ELP1: variants seen among roughly 807,000 people sequenced by gnomAD.
The protein encoded by ELP1 is elongator complex protein 1.
ELP1 carries 131 observed loss-of-function variants against 183.2 expected under a neutral mutation model. The ratio of observed to expected loss-of-function variants is 0.72; its 90% confidence interval spans 0.62 to 0.83. ELP1 has a LOEUF of 0.83. Among genes scored for constraint, ELP1 ranks in the 40% least tolerant of loss-of-function variants. ELP1 has a pLI of 0.00. For missense variants in ELP1, 1,550 were observed against 1,594.9 expected (o/e 0.97, Z 0.48); for synonymous variants, 555 against 569.0 (o/e 0.98, Z 0.35).
At chr9:108,921,955 G>A (rs1213964390) in intron 6 of ELP1, among the ~76,000 whole-genome samples, 1 of 152,160 alleles carries the variant, frequency 6.6e-6, no homozygotes, top group African/African-American at 2.4e-5. Flanking sequence ...CCCTTGTAAG[G>A]AGACATTATG....
intron 33 of ELP1, among the ~76,000 whole-genome samples, 161 bp from the exon 34 acceptor site, chr9:108,878,911 A>C (rs1026019497): frequency 6.6e-6 from 1 of 152,164 alleles, no homozygotes; most frequent in South Asian, 2.1e-4. Flanking sequence ...TGAATATATA[A>C]TCTTGCATTG....
Position 108,880,084 on chromosome 9 carries a change from T to C in ELP1, c.3428A>G (p.Glu1143Gly). The change falls in exon 32 of 37, where the codon GAG becomes GGG. Residue 1143 changes from glutamate (E) to glycine (G), a missense_variant. By Grantham distance (98) the Glu-to-Gly change is moderately conservative. Transcript: ENST00000374647. ...TGCCTGCTGGGCTTGCTCCTTGAGC[T>C]CTCGAACTACCAATAAACGTTTCTT... ...RHKKRLLVVR[E>G]LKEQAQQAGL... is the part of the protein sequence containing the mutation. 1.2e-6 allele frequency: 2 copies of C among 1,614,082 alleles called. No individual in the cohort carries two copies. The highest frequency in any genetic ancestry group is 1.7e-6 in the Non-Finnish European group (2 of 1,179,906).
chr9:108,923,652 C>T (rs1473992137), intron 5 of ELP1, among the ~76,000 whole-genome samples: 1 of 152,192 alleles, frequency 6.6e-6, no homozygotes, highest in Non-Finnish European at 1.5e-5. Flanking sequence ...CTGCAGGTCA[C>T]AAAACAGCTC....
rs192693546 is a variant in ELP1, at chr9:108,878,785, T to C, written c.3573-35A>G. On this transcript the variant is annotated intron_variant, in intron 33 of 36. Coordinates refer to ENST00000374647, the MANE Select transcript of ELP1 (RefSeq NM_003640.5). ...ATTACACAGATATTTTTAAGCCTCC[T>C]GAGTAGCTAGGACTACAGGCATGTG... 8.7e-6 allele frequency: 14 copies of C among 1,611,766 alleles called. No individual in the cohort carries two copies. The East Asian group carries it at 2.7e-4, about 31-fold the overall frequency.
intron 13 of ELP1, 87 bp from the exon 14 acceptor site, chr9:108,906,572 C>A: frequency 9.5e-7 from 1 of 1,056,790 alleles, no homozygotes; most frequent in South Asian, 1.3e-5. Flanking sequence ...ACTGAAGCAT[C>A]TTGTATACAG....
intron 16 of ELP1, among the ~76,000 whole-genome samples, chr9:108,901,971 C>A (rs755903071): frequency 2.6e-4 from 40 of 152,298 alleles, no homozygotes; most frequent in Non-Finnish European, 4.7e-4. Context: ...CCAGTCTCGT[C>A]ACTCTCCAAT....
intron 25 of ELP1, among the ~76,000 whole-genome samples, chr9:108,895,696 A>AT (rs1307281482): frequency 6.6e-6 from 1 of 152,188 alleles, no homozygotes; most frequent in African/African-American, 2.4e-5. Context: ...TCCGATTTTC[A>AT]TTTTTGGAGA....
intron 13 of ELP1, among the ~76,000 whole-genome samples, chr9:108,908,054 C>A (rs1554698406): frequency 6.6e-6 from 1 of 152,210 alleles, no homozygotes; most frequent in Non-Finnish European, 1.5e-5. Flanking sequence ...TCCTGGAGAA[C>A]CAAGCGCTAT....
rs1339594475 is a variant in ELP1 at position 108,917,597 on chromosome 9, C to T, written c.814G>A (p.Gly272Arg). 1.9e-6 allele frequency: 3 copies of T among 1,613,758 alleles called. No homozygotes were observed. Among genetic ancestry groups the T allele is most frequent in the Non-Finnish European group, 1.7e-6 (2 of 1,179,864 alleles). Residue 272 changes from glycine to arginine, a missense_variant, in exon 9 of 37, where the codon GGA (glycine) becomes AGA (arginine). Gly to Arg is a moderately radical substitution (Grantham distance 125). Coordinates refer to ENST00000374647, the MANE Select transcript of ELP1 (RefSeq NM_003640.5). ...AGTGTAAAGTGTCCATGAAGGAGTC[C>T]ATTTTTCTCAAAAAACACAATATCC... is the stretch of plus-strand genomic sequence containing the variant. ...QQDIVFFEKN[G>R]LLHGHFTLPF...
intron 29 of ELP1, among the ~76,000 whole-genome samples, chr9:108,884,591 CA>C (rs1338604578): frequency 6.6e-6 from 1 of 152,046 alleles, no homozygotes; most frequent in African/African-American, 2.4e-5. Flanking sequence ...AGATGGCTGG[CA>C]AATCTCCAAT....
chr9:108,896,443 C>A, intron 25 of ELP1, 53 bp downstream of exon 25: 1 of 1,560,914 alleles, frequency 6.4e-7, no homozygotes, highest in South Asian at 1.1e-5. Flanking sequence ...GGGTTTCACA[C>A]TATCATTATA....
intron 28 of ELP1, 84 bp downstream of exon 28, chr9:108,891,118 TA>T: frequency 7.4e-7 from 1 of 1,352,378 alleles, no homozygotes; most frequent in Non-Finnish European, 1.1e-6. Flanking sequence ...TATTCTGCCC[TA>T]AATTTATTTG....
rs1171207680 is a variant in ELP1 at position 108,910,993 on chromosome 9, A to G, written c.1360+17T>C. 2 of 1,612,996 alleles carry G rather than the reference A, an allele frequency of 1.2e-6. No individual in the cohort carries two copies. Among genetic ancestry groups the G allele is most frequent in the East Asian group, 2.2e-5 (1 of 44,882 alleles). On this transcript the variant is annotated intron_variant, in intron 12 of 36. Transcript: ENST00000374647. ...GGACTTGATTCAGAACATCTTGGCA[A>G]AAGTTTTATAACATACCACATTTAT... is the stretch of plus-strand genomic sequence containing the variant.
chr9:108,908,256 C>T lies in ELP1; in HGVS notation c.1460+49G>A, dbSNP rs758713579. ...TATCAGATGGCTGAATTTAGGACTG[C>T]ATGCTGGCTGATTCTGTTCCCAGAA... On this transcript the variant is annotated intron_variant, in intron 13 of 36. Transcript: ENST00000374647. The T allele has an allele frequency of 8.8e-6, 12 of 1,365,048 alleles. 1 individual carries two copies. The South Asian group carries it at 1.3e-4, about 15-fold the overall frequency. The allele number at this position is 1,365,048 out of a possible 1,614,324, so 84.6% of individuals were successfully genotyped here. A position where few individuals can be genotyped will look rare whatever the true frequency, so the allele number is the denominator to read the frequency against.
At chr9:108,869,640 G>A (rs779319687) in intron 36 of ELP1, among the ~76,000 whole-genome samples, 2 of 151,976 alleles carry the variant, frequency 1.3e-5, no homozygotes, top group Non-Finnish European at 2.9e-5. Flanking sequence ...ATGAAACTTC[G>A]ACAAACATGT....
chr9:108,881,810 C>A, intron 30 of ELP1, 45 bp from the exon 31 acceptor site: 1 of 1,132,260 alleles, frequency 8.8e-7, no homozygotes, highest in South Asian at 1.2e-5. Context: ...AACTTCTAGT[C>A]ACTGGAGAGT....
In ELP1 at chr9:108,882,170, C is replaced by A; in HGVS notation, c.3240G>T (p.Val1080=). 1 of 1,613,398 alleles carries A rather than the reference C, an allele frequency of 6.2e-7. No individual in the cohort carries two copies. Among genetic ancestry groups the A allele is most frequent in the Non-Finnish European group, 8.5e-7 (1 of 1,179,838 alleles). The change falls in exon 30 of 37, where the codon GTG becomes GTT. Residue 1080 remains valine (V), a synonymous_variant. Coordinates refer to ENST00000374647, the MANE Select transcript of ELP1 (RefSeq NM_003640.5). ...AGGCAGCTCCTTCTAACAGCAAGAGCACAGCTTCTTCATAATCCTGACAAG... is the reference window on the plus strand; with the variant it reads ...AGGCAGCTCCTTCTAACAGCAAGAGAACAGCTTCTTCATAATCCTGACAAG... The part of the protein sequence containing the change: ...EECAQDYEEA[V]LLLLEGAAWE...
At chr9:108,906,625 C>T (rs540927509) in intron 13 of ELP1, 140 bp from the exon 14 acceptor site, 6 of 677,262 alleles carry the variant, frequency 8.9e-6, no homozygotes, top group Middle Eastern at 3.7e-4. Context: ...GAGATACTAC[C>T]AAATACTACA....
chr9:108,916,192 C>G lies in ELP1; in HGVS notation c.958+12G>C. 6.2e-7 allele frequency: 1 copy of G among 1,604,664 alleles called. No individual in the cohort carries two copies. The highest frequency in any genetic ancestry group is 1.1e-5 in the South Asian group (1 of 90,896). ...TATGGGGCAGAAGGCTGGGGTACTA[C>G]AGCTGTCTTACCACAGGTTTTCGGA... On this transcript the variant is annotated intron_variant, in intron 10 of 36. Transcript: ENST00000374647.
Sources: allele counts gnomAD v4.1 joint callset (sites outside exome capture counted in the v4.1 genomes callset), GRCh38; gene constraint gnomAD v4.1.1; transcripts MANE v1.5; gene names NCBI Gene and HGNC (gene_info 2026-07-23, HGNC 2026-07-21).